The following SV2A variants were observed in gnomAD, a reference collection of about 807,000 sequenced individuals.
SV2A encodes the protein solute carrier family 22 member B1.
Under a neutral mutation model 78.0 loss-of-function variants are expected in SV2A, and 25 were observed. That is an observed-to-expected ratio of 0.32 (90% CI 0.23 to 0.45). The LOEUF (loss-of-function observed/expected upper bound fraction) is 0.45. Among genes scored for constraint, SV2A ranks in the 20% least tolerant of loss-of-function variants. The probability of loss-of-function intolerance (pLI) is 1.00; values close to 1 mark genes in which losing one functional copy is unlikely to be tolerated. For synonymous variants in SV2A, 355 were observed against 384.7 expected (o/e 0.92, Z 0.90); for missense variants, 752 against 971.5 (o/e 0.77, Z 3.00).
rs1553763287 is a variant in SV2A at position 149,909,196 on chromosome 1, A to G, written c.1375T>C (p.Phe459Leu). The G allele has an allele frequency of 6.2e-7, 1 of 1,613,920 alleles. No homozygotes were observed. Among genetic ancestry groups the G allele is most frequent in the South Asian group, 1.1e-5 (1 of 91,064 alleles). Residue 459 changes from phenylalanine to leucine, a missense_variant, in exon 8 of 13, where the codon TTC (phenylalanine) becomes CTC (leucine). This residue lies in a region of SV2A where 10 missense variants were observed against 31.1 expected (regional missense o/e 0.32). Transcript: ENST00000369146. ...CCAGCCCACCCATCTCCTCACCTGA[A>G]TGACATGGTGAACCACACACCCATC... is the stretch of plus-strand genomic sequence containing the variant. ...MMMGVWFTMS[F>L]SYYGLTVWFP... is the part of the protein sequence containing the mutation.
At chr1:149,907,155 G>A (rs1019666918) in intron 10 of SV2A, among the ~76,000 whole-genome samples, 8 of 152,130 alleles carry the variant, frequency 5.3e-5, no homozygotes, top group Admixed American at 1.3e-4. Flanking sequence ...TAGCGATGCC[G>A]TGGACTTAGG....
At chr1:149,914,214 G>C (rs587752319) in intron 1 of SV2A, 27 bp from the exon 2 acceptor site, 1 of 202,574 alleles carries the variant, frequency 4.9e-6, no homozygotes, top group African/African-American at 2.3e-5. Flanking sequence ...ACAGCAAAAG[G>C]AAGTTGTGAG....
intron 2 of SV2A, among the ~76,000 whole-genome samples, chr1:149,912,523 A>C (rs587745269): frequency 6.6e-6 from 1 of 152,292 alleles, no homozygotes; most frequent in Non-Finnish European, 1.5e-5. Flanking sequence ...CCAAAGCTGG[A>C]ATTAATCTTT....
At chr1:149,906,883 G>A (rs376230404) in intron 10 of SV2A, 27 bp from the exon 11 acceptor site, 1 of 1,612,760 alleles carries the variant, frequency 6.2e-7, no homozygotes, top group Non-Finnish European at 8.5e-7. Flanking sequence ...AGATAAGCAG[G>A]CAGTCATAGC....
rs940763663 is a variant in SV2A at position 149,910,773 on chromosome 1, G to A, written c.955+53C>T. 3.1e-6 allele frequency: 5 copies of A among 1,611,968 alleles called. No individual in the cohort carries two copies. Among genetic ancestry groups the A allele is most frequent in the Non-Finnish European group, 3.4e-6 (4 of 1,178,386 alleles). ...GGGGGAACCCACCACAGGGAGCACA[G>A]AAGAAGAGGGAGGAGGGAGATAACC... On this transcript the variant is annotated intron_variant, in intron 4 of 12. Transcript: ENST00000369146. The surrounding 1 kb of genome is among the most constrained non-coding windows in gnomAD (Gnocchi z 4.2).
At chr1:149,909,602 A>G in intron 6 of SV2A, 31 bp from the exon 7 acceptor site, 10 of 1,593,632 alleles carry the variant, frequency 6.3e-6, no homozygotes, top group Non-Finnish European at 8.6e-6. Context: ...GGGCAGTCAC[A>G]CACTCTGTGT....
At chr1:149,916,769 C>T (rs367853019) in intron 1 of SV2A, among the ~76,000 whole-genome samples, 1 of 152,276 alleles carries the variant, frequency 6.6e-6, no homozygotes, top group East Asian at 1.9e-4. Flanking sequence ...GGGAGCACCC[C>T]TTCCCCATGA....
Position 149,904,894 on chromosome 1 carries a change from A to G in SV2A, c.*120T>C. ...ACGCACACGCACACACAGCTAAGAC[A>G]CCAAACACGGGGAGTGGGGAGTGAG... On this transcript the variant is annotated 3_prime_UTR_variant, in exon 13 of 13. Transcript: ENST00000369146. 1.7e-6 allele frequency: 2 copies of G among 1,163,300 alleles called. No individual in the cohort carries two copies. The highest frequency in any genetic ancestry group is 2.6e-5 in the Admixed American group (1 of 39,202). 72.1% of individuals were successfully genotyped at this position (1,163,300 alleles called of 1,614,324 possible).
chr1:149,910,313 G>A lies in SV2A; in HGVS notation c.1089+257C>T, dbSNP rs1553763497. Among the ~76,000 whole-genome samples, 1 of 152,180 alleles carries A rather than the reference G, an allele frequency of 6.6e-6. No homozygotes were observed. The highest frequency in any genetic ancestry group is 6.5e-5 in the Admixed American group (1 of 15,286). ...GCTGTAAATGCAGGACAGGGCCAAGGCCCTTCCCTGCAAAATCTTAAGTCA... is the reference window on the plus strand; with the variant it reads ...GCTGTAAATGCAGGACAGGGCCAAGACCCTTCCCTGCAAAATCTTAAGTCA... On this transcript the variant is annotated intron_variant, in intron 5 of 12. Coordinates refer to ENST00000369146, the MANE Select transcript of SV2A (RefSeq NM_014849.5). This position sits in a 1 kb window ranked among gnomAD's most constrained non-coding sequence, Gnocchi z 4.2.
In SV2A at chr1:149,907,848, T is replaced by A; in HGVS notation, c.1545-15A>T. 1 of 1,612,660 alleles carries A rather than the reference T, an allele frequency of 6.2e-7. No individual in the cohort carries two copies. Among genetic ancestry groups the A allele is most frequent in the Non-Finnish European group, 8.5e-7 (1 of 1,179,132 alleles). The stretch of plus-strand genomic sequence containing the variant: ...GCCCAATGAACCTGTAAGGCCAGGA[T>A]GGTGAAAGACACTCCCCCGTCATCC... On this transcript the variant is annotated splice_polypyrimidine_tract_variant and intron_variant, in intron 9 of 12. Coordinates refer to ENST00000369146, the MANE Select transcript of SV2A (RefSeq NM_014849.5).
At chr1:149,912,624 G>T (rs1553763936) in intron 2 of SV2A, among the ~76,000 whole-genome samples, 1 of 152,010 alleles carries the variant, frequency 6.6e-6, no homozygotes, top group East Asian at 1.9e-4. Context: ...GCAATTTGGT[G>T]GCAGAGTAAG....
chr1:149,913,186 G>C (rs782736317), intron 2 of SV2A, 33 bp downstream of exon 2: 2 of 1,599,918 alleles, frequency 1.3e-6, no homozygotes, highest in East Asian at 4.5e-5. Flanking sequence ...TCCAGAGTTT[G>C]AGGGGATAAG....
intron 1 of SV2A, among the ~76,000 whole-genome samples, chr1:149,915,135 A>G (rs1447853315): frequency 6.6e-6 from 1 of 152,184 alleles, no homozygotes; most frequent in Non-Finnish European, 1.5e-5. Context: ...CTCAGTGTCC[A>G]TCTATTTTAA....
In SV2A at chr1:149,913,395, G is replaced by T; in HGVS notation, c.446C>A (p.Ala149Asp). The T allele has an allele frequency of 1.2e-6, 2 of 1,614,108 alleles. No individual in the cohort carries two copies. The highest frequency in any genetic ancestry group is 1.7e-6 in the Non-Finnish European group (2 of 1,180,022). Residue 149 changes from alanine (A) to aspartate (D), a missense_variant, in exon 2 of 13, where the codon GCC becomes GAC. Around this residue, in one of 7 missense-constraint regions of SV2A, gnomAD observed 291 missense variants for 359.5 expected, o/e 0.81. Coordinates refer to ENST00000369146, the MANE Select transcript of SV2A (RefSeq NM_014849.5). ...AQRRKEREEL[A>D]QQYEAILREC... ...CCGTAGGATGGCTTCATACTGTTGG[G>T]CCAGTTCTTCTCGTTCTTTCCGTCG... is the stretch of plus-strand genomic sequence containing the variant.
chr1:149,903,553 C>A lies in SV2A; in HGVS notation c.*1461G>T, dbSNP rs2092413618. The A allele has an allele frequency of 6.6e-6, 1 of 152,206 alleles. No homozygotes were observed. Among genetic ancestry groups the A allele is most frequent in the Admixed American group, 6.6e-5 (1 of 15,250 alleles). The allele number at this position is 152,206 out of a possible 1,614,324, so 9.4% of individuals were successfully genotyped here. A position where few individuals can be genotyped will look rare whatever the true frequency, so the allele number is the denominator to read the frequency against. On this transcript the variant is annotated 3_prime_UTR_variant, in exon 13 of 13. Transcript: ENST00000369146. ...GAAGGCAGTCTTTTGAGCACAGACACCAAAGAGTTAAACAGTCACCACCTG... is the reference window on the plus strand; with the variant it reads ...GAAGGCAGTCTTTTGAGCACAGACAACAAAGAGTTAAACAGTCACCACCTG...
chr1:149,913,580 A>G lies in SV2A; in HGVS notation c.261T>C (p.His87=), dbSNP rs781990008. ...GGASSDATEG[H]DEDDEIYEGE... ...CTTCATAGATCTCATCATCCTCGTCATGGCCCTCAGTAGCATCACTGGATG... is the reference window on the plus strand; with the variant it reads ...CTTCATAGATCTCATCATCCTCGTCGTGGCCCTCAGTAGCATCACTGGATG... The change falls in exon 2 of 13, where the codon CAT becomes CAC. Residue 87 remains histidine (H), a synonymous_variant. Coordinates refer to ENST00000369146, the MANE Select transcript of SV2A (RefSeq NM_014849.5). 3 of 1,613,812 alleles carry G rather than the reference A, an allele frequency of 1.9e-6. No individual in the cohort carries two copies. The highest frequency in any genetic ancestry group is 2.5e-6 in the Non-Finnish European group (3 of 1,179,956).
chr1:149,910,435 G>A lies in SV2A; in HGVS notation c.1089+135C>T. 3.1e-6 allele frequency: 4 copies of A among 1,276,532 alleles called. No individual in the cohort carries two copies. The highest frequency in any genetic ancestry group is 1.6e-5 in the South Asian group (1 of 63,458). 79.1% of individuals were successfully genotyped at this position (1,276,532 alleles called of 1,614,324 possible). A position where few individuals can be genotyped will look rare whatever the true frequency, so the allele number is the denominator to read the frequency against. ...GCAAGATAAAGTCCCCTGGAGAGTG[G>A]ACTCTGTGAGGAAGGCAGGCAGTCA... On this transcript the variant is annotated intron_variant, in intron 5 of 12. Coordinates refer to ENST00000369146, the MANE Select transcript of SV2A (RefSeq NM_014849.5). This position sits in a 1 kb window ranked among gnomAD's most constrained non-coding sequence, Gnocchi z 4.2.
rs587761911 is a variant in SV2A, at chr1:149,914,000, T to C, written c.-160A>G. On this transcript the variant is annotated 5_prime_UTR_variant, in exon 2 of 13. Coordinates refer to ENST00000369146, the MANE Select transcript of SV2A (RefSeq NM_014849.5). ...CACAAAAAAAAGAGCAAACAGGTCCTAGCCAATGAGTGCCTAGGAAGGAAA... is the reference window on the plus strand; with the variant it reads ...CACAAAAAAAAGAGCAAACAGGTCCCAGCCAATGAGTGCCTAGGAAGGAAA... The C allele has an allele frequency of 8.1e-5, 91 of 1,125,078 alleles. No homozygotes were observed. The highest frequency in any genetic ancestry group is 1.1e-4 in the Non-Finnish European group (86 of 814,456). The allele number at this position is 1,125,078 out of a possible 1,614,324, so 69.7% of individuals were successfully genotyped here.
chr1:149,905,788 C>T, intron 12 of SV2A, 92 bp downstream of exon 12: 14 of 1,514,756 alleles, frequency 9.2e-6, no homozygotes, highest in East Asian at 4.6e-5. Context: ...TATATCCTCT[C>T]ACCCCTAAGG....
Sources: gnomAD v4.1 joint callset for allele counts (sites outside exome capture counted in the v4.1 genomes callset) on GRCh38, gnomAD v4.1.1 for gene constraint, gnomAD v4.1.1 regional missense constraint, Gnocchi (gnomAD v3.1) non-coding constraint, MANE v1.5 for transcripts, NCBI Gene and HGNC (gene_info 2026-07-23, HGNC 2026-07-21) for gene names.